The following USH2A variants were observed in gnomAD, a reference collection of about 807,000 sequenced individuals.
The protein encoded by USH2A is Usher syndrome 2A (autosomal recessive, mild).
A neutral mutation model predicts 538.9 loss-of-function variants in USH2A; 443 were observed. The ratio of observed to expected loss-of-function variants is 0.82; its 90% CI spans 0.76 to 0.89. The LOEUF (loss-of-function observed/expected upper bound fraction) is 0.89. Ranked by LOEUF, USH2A falls within the 40% of genes least tolerant of loss-of-function variation. USH2A has a pLI of 0.00. For synonymous variants in USH2A, 2,413 were observed against 2,273.5 expected (o/e 1.06, Z -1.75); for missense variants, 6,633 against 6,324.8 (o/e 1.05, Z -1.65).
intron 56 of USH2A, among the ~76,000 whole-genome samples, chr1:215,764,029 A>C (rs10495005): frequency 0.072 from 10,956 of 152,192 alleles, 773 homozygotes; most frequent in East Asian, 0.36. Context: ...GTGGAGTGGA[A>C]GAATTAAGTG....
Position 216,422,146 on chromosome 1 carries a change from C to T in USH2A, c.191G>A (p.Ser64Asn), listed in dbSNP as rs778199517. 14 of 1,613,682 alleles carry T rather than the reference C, an allele frequency of 8.7e-6. No individual in the cohort carries two copies. The African/African-American group carries it at 1.6e-4, about 18-fold the overall frequency. ...TQAVCGLPDR[S>N]TFCHSSAAAE... ...AGCAGCAGAGCTGTGACAAAAAGTGCTTCGGTCTGGGAGTCCACATACTGC... is the reference window on the plus strand; with the variant it reads ...AGCAGCAGAGCTGTGACAAAAAGTGTTTCGGTCTGGGAGTCCACATACTGC... Residue 64 changes from serine to asparagine, a missense_variant, in exon 2 of 72, where the codon AGC (serine) becomes AAC (asparagine). Ser to Asn is a conservative substitution (Grantham distance 46). Coordinates refer to ENST00000307340, the MANE Select transcript of USH2A (RefSeq NM_206933.4).
intron 37 of USH2A, among the ~76,000 whole-genome samples, chr1:215,959,561 A>T (rs887414881): frequency 2.0e-5 from 3 of 152,148 alleles, no homozygotes; most frequent in Non-Finnish European, 4.4e-5. Context: ...CAGTTTCAAC[A>T]TTAAAAACTG....
intron 30 of USH2A, among the ~76,000 whole-genome samples, chr1:216,055,443 A>G (rs2102532915): frequency 6.6e-6 from 1 of 152,340 alleles, no homozygotes; most frequent in Admixed American, 6.5e-5. Context: ...ATCCCGCTGC[A>G]GTGCTGATAA....
At chr1:215,825,650 C>T (rs564083299) in intron 47 of USH2A, among the ~76,000 whole-genome samples, 3 of 151,884 alleles carry the variant, frequency 2.0e-5, no homozygotes, top group Non-Finnish European at 2.9e-5. Context: ...TATGTTTACA[C>T]AGGCTTTTTT....
intron 3 of USH2A, among the ~76,000 whole-genome samples, chr1:216,415,069 G>A (rs146743765): frequency 1.3e-5 from 2 of 152,084 alleles, no homozygotes; most frequent in East Asian, 3.9e-4. Flanking sequence ...TTATGTAAAT[G>A]CCAAGCAGCA....
intron 21 of USH2A, among the ~76,000 whole-genome samples, chr1:216,132,661 G>C (rs1171506127): frequency 6.6e-6 from 1 of 152,118 alleles, no homozygotes. Flanking sequence ...TTTGGCTGAA[G>C]AAACTGAGGC....
chr1:216,347,845 G>A (rs1471294554), intron 4 of USH2A, among the ~76,000 whole-genome samples: 1 of 152,084 alleles, frequency 6.6e-6, no homozygotes, highest in Non-Finnish European at 1.5e-5. Context: ...TTTGACAGGT[G>A]CTCTTGAATG....
At chr1:215,989,051 G>A (rs1667945627) in intron 35 of USH2A, among the ~76,000 whole-genome samples, 1 of 152,164 alleles carries the variant, frequency 6.6e-6, no homozygotes, top group Non-Finnish European at 1.5e-5. Flanking sequence ...TGTTTGATTG[G>A]CAAGGACTGG....
At position 216,334,115 on chromosome 1, in the gene USH2A, TA is replaced by T. The variant is rs1339865310; in HGVS notation, c.785-6462del. Among the ~76,000 whole-genome samples, 6 of 152,210 alleles carry T rather than the reference TA, an allele frequency of 3.9e-5. No homozygotes were observed. In the East Asian group the frequency reaches 1.2e-3, roughly 29 times the overall value. Reference sequence around the variant, plus strand: ...TTCTTTTTCTCTCTCACATTTGTTTTAAAAGATGACTTTATAAAGCAATAAT... The same window carrying T: ...TTCTTTTTCTCTCTCACATTTGTTTTAAAGATGACTTTATAAAGCAATAAT... On this transcript the variant is annotated intron_variant, in intron 4 of 71. Transcript: ENST00000307340.
chr1:216,253,242 G>A (rs545672417), intron 11 of USH2A, among the ~76,000 whole-genome samples: 16 of 151,040 alleles, frequency 1.1e-4, no homozygotes, highest in East Asian at 9.8e-4. Flanking sequence ...ACAATGGTGC[G>A]ATCTCGGCTC....
rs183010326 is a variant in USH2A, at chr1:215,897,873, A to C, written c.7594+2202T>G. ...GAGGTGCTGGTCAGGATCAAGTAAGAAGTGTGATTCTGGCATGGAGCTGTC... is the reference window on the plus strand; with the variant it reads ...GAGGTGCTGGTCAGGATCAAGTAAGCAGTGTGATTCTGGCATGGAGCTGTC... On this transcript the variant is annotated intron_variant, in intron 40 of 71. Transcript: ENST00000307340. Among the ~76,000 whole-genome samples the C allele has an allele frequency of 6.6e-5, 10 of 152,328 alleles. No homozygotes were observed. In the East Asian group the frequency reaches 1.9e-3, roughly 29 times the overall value.
At chr1:216,406,407 G>A (rs2039395011) in intron 3 of USH2A, among the ~76,000 whole-genome samples, 2 of 152,098 alleles carry the variant, frequency 1.3e-5, no homozygotes, top group Admixed American at 1.3e-4. Flanking sequence ...CACAGATTAT[G>A]GTGATACTTT....
At chr1:215,826,063 C>A (rs1177846864) in intron 47 of USH2A, among the ~76,000 whole-genome samples, 1 of 152,136 alleles carries the variant, frequency 6.6e-6, no homozygotes, top group Non-Finnish European at 1.5e-5. Flanking sequence ...CAGAGATTGG[C>A]CAGAGCAGTT....
intron 14 of USH2A, among the ~76,000 whole-genome samples, chr1:216,221,193 C>T (rs1342409472): frequency 1.3e-5 from 2 of 152,126 alleles, no homozygotes; most frequent in African/African-American, 4.8e-5. Flanking sequence ...AACAAGTTAG[C>T]TCTTTTGAGC....
At chr1:216,202,539 G>A (rs1024138926) in intron 16 of USH2A, among the ~76,000 whole-genome samples, 4 of 152,108 alleles carry the variant, frequency 2.6e-5, no homozygotes, top group Non-Finnish European at 4.4e-5. Context: ...GTTGGGGTAC[G>A]GATCTTTAAC....
intron 27 of USH2A, among the ~76,000 whole-genome samples, chr1:216,075,175 G>A (rs2031705643): frequency 6.6e-6 from 1 of 152,140 alleles, no homozygotes; most frequent in Non-Finnish European, 1.5e-5. Context: ...GTTATAAAAT[G>A]AAGTTTGTAA....
intron 3 of USH2A, among the ~76,000 whole-genome samples, chr1:216,406,275 A>T (rs1440531550): frequency 6.6e-6 from 1 of 152,208 alleles, no homozygotes; most frequent in Non-Finnish European, 1.5e-5. Flanking sequence ...GTTACTGATG[A>T]GAACAAATGA....
intron 3 of USH2A, among the ~76,000 whole-genome samples, chr1:216,403,729 G>A (rs1441497520): frequency 6.6e-6 from 1 of 152,154 alleles, no homozygotes; most frequent in African/African-American, 2.4e-5. Context: ...GGTGCAGGAT[G>A]TATGATATAG....
intron 13 of USH2A, among the ~76,000 whole-genome samples, chr1:216,236,831 T>C (rs2035829592): frequency 6.6e-6 from 1 of 152,160 alleles, no homozygotes; most frequent in South Asian, 2.1e-4. Context: ...CATAATAATA[T>C]GCTCATGTAA....
Sources: gnomAD v4.1 joint callset for allele counts (sites outside exome capture counted in the v4.1 genomes callset) on GRCh38, gnomAD v4.1.1 for gene constraint, MANE v1.5 for transcripts, NCBI Gene and HGNC (gene_info 2026-07-23, HGNC 2026-07-21) for gene names.